UTP11: variants seen among roughly 807,000 people sequenced by gnomAD.
UTP11 encodes the protein UTP11 small subunit processome component.
In UTP11, 29 loss-of-function variants were observed where a neutral mutation model predicts 39.0. That is an observed-to-expected ratio of 0.74 (90% confidence interval 0.55 to 1.01). The LOEUF (loss-of-function observed/expected upper bound fraction) is 1.01. Ranked by LOEUF, UTP11 falls within the 50% of genes least tolerant of loss-of-function variation. UTP11 has a pLI of 0.00. For missense variants in UTP11, 281 were observed against 306.0 expected (o/e 0.92, Z 0.61); for synonymous variants, 111 against 105.0 (o/e 1.06, Z -0.35).
intron 1 of UTP11, among the ~76,000 whole-genome samples, chr1:38,015,632 AG>A (rs1438092038): frequency 6.6e-6 from 1 of 152,248 alleles, no homozygotes; most frequent in African/African-American, 2.4e-5. Context: ...AACAAATGGT[AG>A]TATGTAGAAG....
chr1:38,019,371 G>C lies in UTP11; in HGVS notation c.555G>C (p.Gln185His). 1 of 1,611,798 alleles carries C rather than the reference G, an allele frequency of 6.2e-7. No homozygotes were observed. The highest frequency in any genetic ancestry group is 8.5e-7 in the Non-Finnish European group (1 of 1,179,110). ...AAAAAGTGAAAGGAGTTACCAATCA[G>C]ACTGGACTTAAGGTAATTTTCTCTG... ...QKEKVKGVTN[Q>H]TGLKRIAKER... The change falls in exon 6 of 8, where the codon CAG becomes CAC. Residue 185 changes from glutamine (Q) to histidine (H), a missense_variant. Physicochemically the swap from Gln to His is conservative, Grantham distance 24. Transcript: ENST00000373014.
At position 38,023,809 on chromosome 1, in the gene UTP11, T is replaced by A. The variant is rs1482371800; in HGVS notation, c.*181T>A. 2.1e-6 allele frequency: 1 copy of A among 471,292 alleles called. No homozygotes were observed. Among genetic ancestry groups the A allele is most frequent in the East Asian group, 3.5e-5 (1 of 28,480 alleles). The allele number at this position is 471,292 out of a possible 1,614,324, so 29.2% of individuals were successfully genotyped here. ...AATCTCCCTCCCTTCTGTAATTGTT[T>A]TTGGATTGTGAAATTAGTCTTATTT... On this transcript the variant is annotated 3_prime_UTR_variant, in exon 8 of 8. Transcript: ENST00000373014.
chr1:38,019,395 T>C lies in UTP11; in HGVS notation c.567+12T>C. On this transcript the variant is annotated intron_variant, in intron 6 of 7. Transcript: ENST00000373014. Reference sequence around the variant, plus strand: ...AGACTGGACTTAAGGTAATTTTCTCTGTTGTTCTTCACATGTGAGCTTAGG... The same window carrying C: ...AGACTGGACTTAAGGTAATTTTCTCCGTTGTTCTTCACATGTGAGCTTAGG... 1 of 1,609,132 alleles carries C rather than the reference T, an allele frequency of 6.2e-7. No homozygotes were observed. The highest frequency in any genetic ancestry group is 1.1e-5 in the South Asian group (1 of 90,368).
intron 6 of UTP11, among the ~76,000 whole-genome samples, chr1:38,021,211 G>T (rs903445612): frequency 6.6e-6 from 1 of 152,104 alleles, no homozygotes; most frequent in Non-Finnish European, 1.5e-5. Context: ...GTGAGCTACC[G>T]CGCCCGGCAA....
chr1:38,022,539 C>G (rs1185437994), intron 6 of UTP11, among the ~76,000 whole-genome samples, 160 bp from the exon 7 acceptor site: 1 of 152,086 alleles, frequency 6.6e-6, no homozygotes, highest in East Asian at 1.9e-4. Context: ...ATGTGATGTT[C>G]CTAAAATGGG....
Position 38,023,615 on chromosome 1 carries a change from G to A in UTP11, c.749G>A (p.Arg250His), listed in dbSNP as rs530067816. ...CCAGCTATTTATAAATTTCAGAGTC[G>A]TCGAAAACGTTGACGTGTTATAGAT... ...NSPAIYKFQS[R>H]RKR Residue 250 changes from arginine to histidine, a missense_variant, in exon 8 of 8, where the codon CGT becomes CAT. Arg to His is a conservative substitution (Grantham distance 29, BLOSUM62 0). Coordinates refer to ENST00000373014, the MANE Select transcript of UTP11 (RefSeq NM_016037.4). The A allele has an allele frequency of 1.4e-5, 22 of 1,609,434 alleles. No homozygotes were observed. The highest frequency in any genetic ancestry group is 3.3e-5 in the South Asian group (3 of 89,810).
In UTP11 at chr1:38,018,967, G is replaced by A. The variant is rs1300362664; in HGVS notation, c.343-92G>A. ...AAGTTCTTTGCTGGCTGGCAATAAT[G>A]ATGTGAAATGGTTTAAACTTTTGCA... On this transcript the variant is annotated intron_variant, in intron 4 of 7. Transcript: ENST00000373014. 3.8e-6 allele frequency: 4 copies of A among 1,055,264 alleles called. No homozygotes were observed. The Admixed American group carries it at 1.1e-4, about 30-fold the overall frequency. The allele number at this position is 1,055,264 out of a possible 1,614,324, so 65.4% of individuals were successfully genotyped here. A position where few individuals can be genotyped will look rare whatever the true frequency, so the allele number is the denominator to read the frequency against.
In UTP11 at chr1:38,018,500, G is replaced by C; in HGVS notation, c.265G>C (p.Val89Leu). Residue 89 changes from valine (V) to leucine (L), a missense_variant, in exon 4 of 8, where the codon GTA becomes CTA. Coordinates refer to ENST00000373014, the MANE Select transcript of UTP11 (RefSeq NM_016037.4). ...VHIIKETKEE[V>L]TPEQLKLMRT... ...TATTATTAAGGAGACTAAGGAAGAA[G>C]TAACCCCAGAACAACTAAAGCTGAT... 6.2e-7 allele frequency: 1 copy of C among 1,613,786 alleles called. No individual in the cohort carries two copies. The highest frequency in any genetic ancestry group is 1.1e-5 in the South Asian group (1 of 91,030).
intron 1 of UTP11, among the ~76,000 whole-genome samples, chr1:38,015,258 A>G (rs5018050): frequency 0.57 from 87,183 of 152,024 alleles, 27,240 homozygotes; most frequent in East Asian, 0.88. Flanking sequence ...CTGACCTCAG[A>G]TGCCCCACCC....
At chr1:38,016,999 T>C (rs1646710647) in intron 2 of UTP11, 1 of 154,452 alleles carries the variant, frequency 6.5e-6, no homozygotes. Context: ...ATGGTGGTGA[T>C]GGATTAAATG....
At chr1:38,012,973 A>T in intron 1 of UTP11, 108 bp downstream of exon 1, 4 of 1,286,568 alleles carry the variant, frequency 3.1e-6, no homozygotes, top group Non-Finnish European at 4.4e-6. Context: ...TAGTATATAA[A>T]TGCACGTAAA....
Position 38,022,660 on chromosome 1 carries a change from G to T in UTP11, c.568-39G>T, listed in dbSNP as rs765556067. On this transcript the variant is annotated intron_variant, in intron 6 of 7. Coordinates refer to ENST00000373014, the MANE Select transcript of UTP11 (RefSeq NM_016037.4). ...ACAGTTTCTTACTCATTTTTGTCCTGTTCATTGTTCACTGAGAATGTGTGT... is the reference window on the plus strand; with the variant it reads ...ACAGTTTCTTACTCATTTTTGTCCTTTTCATTGTTCACTGAGAATGTGTGT... 8 of 1,433,794 alleles carry T rather than the reference G, an allele frequency of 5.6e-6. No homozygotes were observed. The African/African-American group carries it at 7.1e-5, about 13-fold the overall frequency. The allele number at this position is 1,433,794 out of a possible 1,614,324, so 88.8% of individuals were successfully genotyped here.
In UTP11 at chr1:38,012,877, C is replaced by G. The variant is rs745848323; in HGVS notation, c.63+12C>G. The G allele has an allele frequency of 1.1e-5, 18 of 1,614,154 alleles. No individual in the cohort carries two copies. Among genetic ancestry groups the G allele is most frequent in the Middle Eastern group, 1.7e-4 (1 of 6,060 alleles). ...GAGAGCGAAGCCAGGTAGGACCATACAGGCCCCACAAGTGCTGGCCTTTGT... is the reference window on the plus strand; with the variant it reads ...GAGAGCGAAGCCAGGTAGGACCATAGAGGCCCCACAAGTGCTGGCCTTTGT... On this transcript the variant is annotated intron_variant, in intron 1 of 7. Transcript: ENST00000373014.
intron 6 of UTP11, among the ~76,000 whole-genome samples, chr1:38,021,711 A>G (rs941571947): frequency 3.3e-5 from 5 of 152,018 alleles, no homozygotes; most frequent in Non-Finnish European, 4.4e-5. Context: ...TGGCCAATGT[A>G]GTGAAACCCT....
At chr1:38,021,020 C>A (rs1481705947) in intron 6 of UTP11, among the ~76,000 whole-genome samples, 1 of 151,758 alleles carries the variant, frequency 6.6e-6, no homozygotes, top group African/African-American at 2.4e-5. Flanking sequence ...CTCCTGGGTT[C>A]AAGCAATTCT....
chr1:38,015,295 T>A (rs1646701951), intron 1 of UTP11, among the ~76,000 whole-genome samples: 1 of 152,210 alleles, frequency 6.6e-6, no homozygotes, highest in African/African-American at 2.4e-5. Flanking sequence ...GTGCTGGGAT[T>A]ACAGCATGAG....
chr1:38,022,064 C>A (rs923539817), intron 6 of UTP11, among the ~76,000 whole-genome samples: 2 of 152,196 alleles, frequency 1.3e-5, no homozygotes, highest in Non-Finnish European at 1.5e-5. Context: ...GTAAGATTTT[C>A]AGGCACCAGC....
chr1:38,019,011 T>A, intron 4 of UTP11, 48 bp from the exon 5 acceptor site: 1 of 1,353,300 alleles, frequency 7.4e-7, no homozygotes. Context: ...TTTTTTTTGG[T>A]ACCCTAGAAG....
intron 1 of UTP11, among the ~76,000 whole-genome samples, chr1:38,014,418 T>A (rs1167337235): frequency 6.6e-6 from 1 of 152,214 alleles, no homozygotes; most frequent in Non-Finnish European, 1.5e-5. Context: ...ACTGAAGATA[T>A]TTTGTATGGA....
Sources: allele counts gnomAD v4.1 joint callset (sites outside exome capture counted in the v4.1 genomes callset), GRCh38; gene constraint gnomAD v4.1.1; transcripts MANE v1.5; gene names NCBI Gene and HGNC (gene_info 2026-07-23, HGNC 2026-07-21).